PRUNE2: variants seen among roughly 807,000 people sequenced by gnomAD.
The protein encoded by PRUNE2 is protein prune homolog 2.
In PRUNE2, 164 loss-of-function variants were observed where a neutral mutation model predicts 252.0. That is an observed-to-expected ratio of 0.65 (90% CI 0.57 to 0.74). The LOEUF (loss-of-function observed/expected upper bound fraction) is 0.74. Among genes scored for constraint, PRUNE2 ranks in the 30% least tolerant of loss-of-function variants. The pLI, the probability that PRUNE2 is intolerant of heterozygous loss-of-function variation, is 0.00. For missense variants in PRUNE2, 3,495 were observed against 3,711.0 expected, an observed-to-expected ratio of 0.94 and a Z score of 1.51; for synonymous variants, 1,292 against 1,350.2, an observed-to-expected ratio of 0.96 and a Z score of 0.94.
rs2050435207 is a variant in PRUNE2, at chr9:76,749,610, C to T, written c.757-35889G>A. Among the ~76,000 whole-genome samples the T allele has an allele frequency of 2.0e-5, 3 of 152,214 alleles. No individual in the cohort carries two copies. In the South Asian group the frequency reaches 6.2e-4, roughly 32 times the overall value. ...CTTAAGTGTGAGCTTCCCAGCTGTCCTTGCTTGGCACCCTGCAAATAAATG... is the reference window on the plus strand; with the variant it reads ...CTTAAGTGTGAGCTTCCCAGCTGTCTTTGCTTGGCACCCTGCAAATAAATG... On this transcript the variant is annotated intron_variant, in intron 6 of 18. Coordinates refer to ENST00000376718, the MANE Select transcript of PRUNE2 (RefSeq NM_015225.3).
At chr9:76,729,717 T>C (rs12339310) in intron 6 of PRUNE2, among the ~76,000 whole-genome samples, 4,235 of 152,228 alleles carry the variant, frequency 0.028, 102 homozygotes, top group East Asian at 0.083. Context: ...AATGCATCCA[T>C]TTATAATCTT....
chr9:76,713,820 A>G (rs1427843654), intron 6 of PRUNE2, 99 bp from the exon 7 acceptor site: 3 of 742,150 alleles, frequency 4.0e-6, no homozygotes, highest in Middle Eastern at 2.4e-4. Context: ...TTTAGGAGAG[A>G]TATTTATTAT....
At chr9:76,664,424 G>A (rs1325588127) in intron 9 of PRUNE2, among the ~76,000 whole-genome samples, 1 of 152,226 alleles carries the variant, frequency 6.6e-6, no homozygotes, top group African/African-American at 2.4e-5. Flanking sequence ...CCTTAAGCCA[G>A]AACCATCTAG....
chr9:76,764,233 CAAACAAATAAAT>C (rs770018654), intron 6 of PRUNE2, among the ~76,000 whole-genome samples: 3,691 of 151,802 alleles, frequency 0.024, 63 homozygotes, highest in Middle Eastern at 0.027. Context: ...AGAAAACAAA[CAAACAAATAAAT>C]AAATAAATAA....
In PRUNE2 at chr9:76,848,928, T is replaced by C. The variant is rs1223356209; in HGVS notation, c.344+1535A>G. The stretch of plus-strand genomic sequence containing the variant: ...TTTGTTTTTTGAGGCAGGGTCTCGC[T>C]CTGTCATCTAGGCTGGAGGGCAGTG... On this transcript the variant is annotated intron_variant, in intron 3 of 18. Transcript: ENST00000376718. Among the ~76,000 whole-genome samples, 9 of 152,354 alleles carry C rather than the reference T, an allele frequency of 5.9e-5. No individual in the cohort carries two copies. In the East Asian group the frequency reaches 1.5e-3, roughly 26 times the overall value.
intron 6 of PRUNE2, among the ~76,000 whole-genome samples, chr9:76,718,017 C>T (rs552383600): frequency 4.7e-4 from 71 of 151,886 alleles, no homozygotes; most frequent in Non-Finnish European, 8.5e-4. Flanking sequence ...CCCAAGAATC[C>T]TAAAAGAAGT....
intron 6 of PRUNE2, among the ~76,000 whole-genome samples, chr9:76,724,895 G>A (rs529165790): frequency 4.3e-4 from 65 of 152,150 alleles, no homozygotes; most frequent in African/African-American, 1.4e-3. Flanking sequence ...ATTTCTATAC[G>A]GGAACGAATA....
intron 1 of PRUNE2, among the ~76,000 whole-genome samples, chr9:76,863,832 T>G (rs1317679597): frequency 6.6e-6 from 1 of 152,188 alleles, no homozygotes; most frequent in Non-Finnish European, 1.5e-5. Context: ...ATCTAAACTG[T>G]CACTGTTGGT....
intron 1 of PRUNE2, 119 bp from the exon 2 acceptor site, chr9:76,854,327 T>C (rs549614436): frequency 4.1e-4 from 195 of 480,668 alleles, no homozygotes; most frequent in Non-Finnish European, 5.6e-4. Context: ...CAGAGAATCA[T>C]AAATTTATCA....
chr9:76,748,932 G>A (rs908158262), intron 6 of PRUNE2, among the ~76,000 whole-genome samples: 16 of 152,114 alleles, frequency 1.1e-4, no homozygotes, highest in Middle Eastern at 3.4e-3. Flanking sequence ...CGAGTGAGGC[G>A]GAGCAGGGAC....
intron 6 of PRUNE2, among the ~76,000 whole-genome samples, chr9:76,715,406 C>T (rs1401914919): frequency 1.3e-5 from 2 of 152,170 alleles, no homozygotes; most frequent in Admixed American, 1.3e-4. Flanking sequence ...TTCCATGTTT[C>T]GAGGAGGCTT....
intron 6 of PRUNE2, chr9:76,737,987 G>A (rs113740451): frequency 6.6e-6 from 1 of 152,168 alleles, no homozygotes; most frequent in Non-Finnish European, 1.5e-5. Flanking sequence ...TCTTTTAAGA[G>A]ACTTTAATAG....
Position 76,709,726 on chromosome 9 carries a change from C to T in PRUNE2, c.2548G>A (p.Asp850Asn). The T allele has an allele frequency of 6.2e-7, 1 of 1,613,956 alleles. No homozygotes were observed. Among genetic ancestry groups the T allele is most frequent in the Non-Finnish European group, 8.5e-7 (1 of 1,179,884 alleles). The part of the protein sequence containing the change: ...GFAFSSSELL[D>N]NSPSEINNEA... ...TTGTTTATCTCACTGGGTGAATTGT[C>T]CAGTAGTTCTGAAGAAGAAAAGGCA... is the stretch of plus-strand genomic sequence containing the variant. Residue 850 changes from aspartate to asparagine, a missense_variant, in exon 8 of 19, where the codon GAC (aspartate) becomes AAC (asparagine). Physicochemically the swap from Asp to Asn is conservative, Grantham distance 23. Transcript: ENST00000376718.
intron 7 of PRUNE2, among the ~76,000 whole-genome samples, chr9:76,711,683 G>A (rs1452547469): frequency 6.6e-6 from 1 of 152,038 alleles, no homozygotes; most frequent in Non-Finnish European, 1.5e-5. Flanking sequence ...AATTCGAGTT[G>A]CAAAAAAGCA....
intron 8 of PRUNE2, among the ~76,000 whole-genome samples, 198 bp downstream of exon 8, chr9:76,704,563 C>A (rs563294224): frequency 1.3e-5 from 2 of 152,136 alleles, no homozygotes; most frequent in Non-Finnish European, 2.9e-5. Flanking sequence ...TCGATTTTCT[C>A]GTGCACTATC....
chr9:76,747,194 A>G (rs1194588295), intron 6 of PRUNE2, among the ~76,000 whole-genome samples: 1 of 152,164 alleles, frequency 6.6e-6, no homozygotes, highest in African/African-American at 2.4e-5. Flanking sequence ...ACCGCCACGC[A>G]TCTGGTGTGT....
chr9:76,892,053 A>G (rs1175390528), intron 1 of PRUNE2, among the ~76,000 whole-genome samples: 1 of 120,052 alleles, frequency 8.3e-6, no homozygotes, highest in Non-Finnish European at 1.8e-5. Flanking sequence ...GAAAAGACAA[A>G]GAGAAAGTAG....
At chr9:76,812,566 A>G (rs979526093) in intron 6 of PRUNE2, among the ~76,000 whole-genome samples, 4 of 152,244 alleles carry the variant, frequency 2.6e-5, no homozygotes, top group Non-Finnish European at 4.4e-5. Context: ...ACAAAGAGAT[A>G]TACTTCGACT....
intron 6 of PRUNE2, among the ~76,000 whole-genome samples, chr9:76,720,104 G>C (rs1333412528): frequency 6.8e-6 from 1 of 147,616 alleles, no homozygotes; most frequent in Non-Finnish European, 1.5e-5. Context: ...TCACACAAAG[G>C]ATTGTTAAAC....
Sources: gnomAD v4.1 joint callset for allele counts (sites outside exome capture counted in the v4.1 genomes callset) on GRCh38, gnomAD v4.1.1 for gene constraint, MANE v1.5 for transcripts, NCBI Gene and HGNC (gene_info 2026-07-23, HGNC 2026-07-21) for gene names.